The following TBC1D5 variants were observed in gnomAD, a reference collection of about 807,000 sequenced individuals.
TBC1D5 encodes the protein TBC1 domain family, member 5.
TBC1D5 carries 75 observed loss-of-function variants against 100.3 expected under a neutral mutation model. The observed-to-expected ratio is 0.75, with a 90% CI of 0.62 to 0.91. The LOEUF is 0.91. Among genes scored for constraint, TBC1D5 ranks in the 40% least tolerant of loss-of-function variants. TBC1D5 has a pLI of 0.00. For missense variants in TBC1D5, 910 were observed against 942.4 expected, an observed-to-expected ratio of 0.97 and a Z score of 0.45; for synonymous variants, 323 against 325.6, an observed-to-expected ratio of 0.99 and a Z score of 0.09.
At chr3:17,615,238 C>T (rs1371575140) in intron 2 of TBC1D5, among the ~76,000 whole-genome samples, 1 of 152,076 alleles carries the variant, frequency 6.6e-6, no homozygotes, top group South Asian at 2.1e-4. Flanking sequence ...TGAGGCTGAC[C>T]TGATCGTGGT....
At chr3:17,368,501 A>G (rs943500509) in intron 13 of TBC1D5, among the ~76,000 whole-genome samples, 4 of 152,050 alleles carry the variant, frequency 2.6e-5, no homozygotes, top group Non-Finnish European at 5.9e-5. Context: ...TTTTGACTAA[A>G]AGTAGAAATT....
chr3:17,188,198 T>G lies in TBC1D5; in HGVS notation c.1753-2990A>C, dbSNP rs1197084765. ...GCGATGAGACTGGGGCCCTCTAACT[T>G]GTATAGTTAATGGGGAAGTCCTAAG... is the stretch of plus-strand genomic sequence containing the variant. On this transcript the variant is annotated intron_variant, in intron 18 of 21. Transcript: ENST00000253692. Among the ~76,000 whole-genome samples, 5 of 152,246 alleles carry G rather than the reference T, an allele frequency of 3.3e-5. No individual in the cohort carries two copies. In the East Asian group the frequency reaches 9.6e-4, roughly 29 times the overall value.
chr3:17,704,311 A>T (rs1318065524), intron 1 of TBC1D5, among the ~76,000 whole-genome samples: 4 of 150,822 alleles, frequency 2.7e-5, no homozygotes, highest in African/African-American at 9.7e-5. Flanking sequence ...AAAGTCTCCC[A>T]TGTCTACTTC....
chr3:17,610,835 G>A (rs952942134), intron 2 of TBC1D5, among the ~76,000 whole-genome samples: 2 of 152,110 alleles, frequency 1.3e-5, no homozygotes, highest in African/African-American at 4.8e-5. Flanking sequence ...TGGACAAAAT[G>A]GTGAAACCCC....
rs375009941 is a variant in TBC1D5 at position 17,235,509 on chromosome 3, T to C, written c.1588+2654A>G. 4.6e-5 allele frequency among the ~76,000 whole-genome samples: 7 copies of C among 152,340 alleles called. No homozygotes were observed. In the South Asian group the frequency reaches 1.0e-3, roughly 23 times the overall value. ...GCTGAATATTGTGTTCACTGATCTA[T>C]GGGACCAGGTGATATGCTTGCAGCT... is the stretch of plus-strand genomic sequence containing the variant. On this transcript the variant is annotated intron_variant, in intron 17 of 21. Coordinates refer to ENST00000253692, the Ensembl canonical transcript of TBC1D5.
chr3:17,265,754 A>G (rs1163316513), intron 15 of TBC1D5, among the ~76,000 whole-genome samples: 1 of 152,178 alleles, frequency 6.6e-6, no homozygotes, highest in Non-Finnish European at 1.5e-5. Context: ...ATCCAAGTGC[A>G]GAGATGCCAT....
chr3:17,530,600 A>G (rs1026613802), intron 2 of TBC1D5, among the ~76,000 whole-genome samples: 1 of 152,210 alleles, frequency 6.6e-6, no homozygotes, highest in African/African-American at 2.4e-5. Flanking sequence ...TTTTACTTGA[A>G]TAGTTATATT....
chr3:17,698,976 T>A (rs201269875), intron 1 of TBC1D5, among the ~76,000 whole-genome samples: 65,862 of 139,982 alleles, frequency 0.47, 16,203 homozygotes, highest in East Asian at 0.92. Context: ...ATTGTGGAAG[T>A]CAGTGTGGCG....
chr3:17,457,656 C>A (rs1299182474), intron 3 of TBC1D5, among the ~76,000 whole-genome samples: 1 of 151,796 alleles, frequency 6.6e-6, no homozygotes, highest in African/African-American at 2.4e-5. Context: ...TATGTCATAT[C>A]TGCATTTGTG....
intron 16 of TBC1D5, among the ~76,000 whole-genome samples, chr3:17,240,792 CA>C (rs561182322): frequency 1.1e-3 from 166 of 151,890 alleles, no homozygotes; most frequent in Non-Finnish European, 1.9e-3. Context: ...CTTTTTTATA[CA>C]AAAAAAGTAC....
chr3:17,573,759 T>C (rs1013248359), intron 2 of TBC1D5, among the ~76,000 whole-genome samples: 1 of 152,022 alleles, frequency 6.6e-6, no homozygotes. Context: ...TCCTTGAAAC[T>C]ATCCTCCATC....
intron 2 of TBC1D5, among the ~76,000 whole-genome samples, chr3:17,522,150 A>T (rs1426344434): frequency 6.6e-6 from 1 of 152,130 alleles, no homozygotes; most frequent in East Asian, 1.9e-4. Flanking sequence ...TTAAAATATT[A>T]TTAAATAATA....
chr3:17,725,650 A>C (rs775038288), intron 1 of TBC1D5, among the ~76,000 whole-genome samples: 7 of 152,178 alleles, frequency 4.6e-5, no homozygotes, highest in Admixed American at 6.5e-5. Flanking sequence ...GAAGAAAAGC[A>C]GTCTTTAATA....
At chr3:17,579,132 G>C (rs1243580767) in intron 2 of TBC1D5, among the ~76,000 whole-genome samples, 1 of 151,938 alleles carries the variant, frequency 6.6e-6, no homozygotes, top group Non-Finnish European at 1.5e-5. Context: ...TATAATGTTA[G>C]TGGCATAATT....
At chr3:17,315,446 T>C (rs1419990781) in intron 13 of TBC1D5, among the ~76,000 whole-genome samples, 2 of 152,172 alleles carry the variant, frequency 1.3e-5, no homozygotes, top group African/African-American at 4.8e-5. Context: ...AGCTGAATGG[T>C]CATCTATTTT....
intron 5 of TBC1D5, 61 bp downstream of exon 5, chr3:17,406,357 G>GC (rs2093769905): frequency 4.9e-6 from 7 of 1,425,690 alleles, no homozygotes; most frequent in African/African-American, 4.3e-5. Context: ...ATCTTCCAGG[G>GC]CATCAGGTAA....
Position 17,272,618 on chromosome 3 carries a change from A to G in TBC1D5, c.1246-14027T>C, listed in dbSNP as rs145327627. 6.8e-4 allele frequency among the ~76,000 whole-genome samples: 104 copies of G among 152,346 alleles called. 1 individual carries two copies. The highest frequency in any genetic ancestry group is 2.4e-3 in the African/African-American group (99 of 41,594). ...TAGGTAAAGAAAGAGGTTCGGAATA[A>G]TTAGTAGTTTGGCCAAAGTTATATG... On this transcript the variant is annotated intron_variant, in intron 15 of 21. Transcript: ENST00000253692.
At chr3:17,314,988 G>C (rs1354831594) in intron 13 of TBC1D5, among the ~76,000 whole-genome samples, 1 of 152,202 alleles carries the variant, frequency 6.6e-6, no homozygotes, top group Non-Finnish European at 1.5e-5. Context: ...TTAAGGTGGG[G>C]TCAATACAGG....
chr3:17,581,524 ATTAAATGAAGCTCTCTATCTTTTCTGT>A, intron 2 of TBC1D5, among the ~76,000 whole-genome samples: 1 of 152,158 alleles, frequency 6.6e-6, no homozygotes, highest in Non-Finnish European at 1.5e-5. Context: ...CCCCTTCTTC[ATTAAATGAAGCTCTCTATCTTTTCTGT>A]TATTCAGGCC....
Sources: allele counts gnomAD v4.1 joint callset (sites outside exome capture counted in the v4.1 genomes callset), GRCh38; gene constraint gnomAD v4.1.1; transcripts MANE v1.5; gene names NCBI Gene and HGNC (gene_info 2026-07-23, HGNC 2026-07-21).